Variants in FCGRT observed in about 807,000 individuals in gnomAD.
The protein encoded by FCGRT is IgG receptor FcRn large subunit p51.
A neutral mutation model predicts 35.7 loss-of-function variants in FCGRT; 13 were observed. That is an observed-to-expected ratio of 0.36 (90% CI 0.24 to 0.58). The LOEUF is 0.58. Ranked by LOEUF, FCGRT falls within the 20% of genes least tolerant of loss-of-function variation. FCGRT has a pLI of 0.77. For missense variants in FCGRT, 455 were observed against 474.9 expected, an observed-to-expected ratio of 0.96 and a Z score of 0.39; for synonymous variants, 233 against 216.5, an observed-to-expected ratio of 1.08 and a Z score of -0.67.
Position 49,513,979 on chromosome 19 carries a change from G to T in FCGRT, c.171G>T (p.Gln57His), listed in dbSNP as rs761759110. 1 of 1,613,878 alleles carries T rather than the reference G, an allele frequency of 6.2e-7. No homozygotes were observed. The highest frequency in any genetic ancestry group is 8.5e-7 in the Non-Finnish European group (1 of 1,180,026). The change falls in exon 3 of 7, where the codon CAG (glutamine) becomes CAT (histidine). Residue 57 changes from glutamine to histidine, a missense_variant. Transcript: ENST00000221466. ...FWVSGWLGPQ[Q>H]YLSYNSLRGE... is the part of the protein sequence containing the mutation. The stretch of plus-strand genomic sequence containing the variant: ...TGTCCGGCTGGCTGGGCCCGCAGCA[G>T]TACCTGAGCTACAATAGCCTGCGGG...
intron 4 of FCGRT, among the ~76,000 whole-genome samples, chr19:49,517,880 A>AC (rs1417363947): frequency 1.3e-5 from 2 of 152,078 alleles, no homozygotes. Flanking sequence ...TTTAGTAGAG[A>AC]TGAGGTTTCA....
chr19:49,525,687 G>T lies in FCGRT; in HGVS notation c.988+114G>T, dbSNP rs901046998. The T allele has an allele frequency of 1.2e-5, 9 of 756,164 alleles. No individual in the cohort carries two copies. The African/African-American group carries it at 1.4e-4, about 12-fold the overall frequency. 46.8% of individuals were successfully genotyped at this position (756,164 alleles called of 1,614,324 possible). ...GAGGGGGGACAGAGATCAGAGAGAG[G>T]TGGAGACAGAAACCCAGAGATGGGA... On this transcript the variant is annotated intron_variant, in intron 6 of 6. Coordinates refer to ENST00000221466, the MANE Select transcript of FCGRT (RefSeq NM_001136019.3).
At chr19:49,523,351 A>G (rs550161840) in intron 4 of FCGRT, among the ~76,000 whole-genome samples, 224 of 151,952 alleles carry the variant, frequency 1.5e-3, no homozygotes, top group Non-Finnish European at 1.4e-3. Context: ...GGTAGATCAC[A>G]ATGTCAGGAA....
rs996638465 is a variant in FCGRT at position 49,526,406 on chromosome 19, C to T, written c.*287C>T. On this transcript the variant is annotated 3_prime_UTR_variant, in exon 7 of 7. Coordinates refer to ENST00000221466, the MANE Select transcript of FCGRT (RefSeq NM_001136019.3). ...TCGGGGGACTGAATGGCGGCTGGGC[C>T]TCGGATCTCTCCTACAGGTAACATG... The T allele has an allele frequency of 2.2e-6, 1 of 451,496 alleles. No individual in the cohort carries two copies. The highest frequency in any genetic ancestry group is 2.0e-5 in the African/African-American group (1 of 49,600). The allele number at this position is 451,496 out of a possible 1,614,324, so 28.0% of individuals were successfully genotyped here. A position where few individuals can be genotyped will look rare whatever the true frequency, so the allele number is the denominator to read the frequency against.
At chr19:49,521,966 A>G (rs751762459) in intron 4 of FCGRT, among the ~76,000 whole-genome samples, 3 of 151,784 alleles carry the variant, frequency 2.0e-5, no homozygotes, top group Non-Finnish European at 4.4e-5. Context: ...CACTGCACCC[A>G]ACCTTTTTTC....
intron 4 of FCGRT, among the ~76,000 whole-genome samples, chr19:49,522,089 T>A (rs1038339431): frequency 1.3e-5 from 2 of 151,252 alleles, no homozygotes; most frequent in African/African-American, 2.4e-5. Context: ...TTTTTTTTTT[T>A]AGACGGAGTC....
At chr19:49,513,169 C>G (rs907081583) in intron 1 of FCGRT, 1 of 347,670 alleles carries the variant, frequency 2.9e-6, no homozygotes, top group East Asian at 4.2e-5. Context: ...AGCTCGGGGC[C>G]GGGACTCTCA....
At chr19:49,523,433 G>A (rs2080053885) in intron 4 of FCGRT, among the ~76,000 whole-genome samples, 1 of 151,976 alleles carries the variant, frequency 6.6e-6, no homozygotes, top group Non-Finnish European at 1.5e-5. Flanking sequence ...CGGCATGGTG[G>A]TGCATGCACC....
At chr19:49,513,360 G>GGGGGGGGGGGGGGGGCC in intron 1 of FCGRT, 27 bp from the exon 2 acceptor site, 1 of 1,017,272 alleles carries the variant, frequency 9.8e-7, no homozygotes, top group Non-Finnish European at 1.3e-6. Context: ...GGGGTCGGGA[G>GGGGGGGGGGGGGGGGCC]GAGTCACGTG....
Position 49,526,003 on chromosome 19 carries a change from T to A in FCGRT, c.989-7T>A. 6.3e-7 allele frequency: 1 copy of A among 1,578,812 alleles called. No individual in the cohort carries two copies. The highest frequency in any genetic ancestry group is 8.7e-7 in the Non-Finnish European group (1 of 1,148,556). ...CTGATGACCTCTCCCTCTCTCTCTC[T>A]CCTCAGCCCCTTGGATCTCCCTTCG... On this transcript the variant is annotated splice_region_variant and splice_polypyrimidine_tract_variant and intron_variant, in intron 6 of 6. Transcript: ENST00000221466.
At position 49,526,340 on chromosome 19, in the gene FCGRT, T is replaced by C. The variant is rs895861944; in HGVS notation, c.*221T>C. The C allele has an allele frequency of 1.3e-5, 7 of 549,672 alleles. No homozygotes were observed. Among genetic ancestry groups the C allele is most frequent in the Non-Finnish European group, 1.9e-5 (6 of 308,922 alleles). The allele number at this position is 549,672 out of a possible 1,614,324, so 34.0% of individuals were successfully genotyped here. ...ACACGAGTTTGGGCCCGAATCAGTG[T>C]GTTCTCATCATTTTTCAGGCAGGGG... On this transcript the variant is annotated 3_prime_UTR_variant, in exon 7 of 7. Transcript: ENST00000221466.
chr19:49,525,972 G>C, intron 6 of FCGRT, 38 bp from the exon 7 acceptor site: 1 of 1,328,272 alleles, frequency 7.5e-7, no homozygotes, highest in Non-Finnish European at 1.1e-6. Flanking sequence ...GAGCGCCTCA[G>C]AGATTCTGAT....
intron 4 of FCGRT, among the ~76,000 whole-genome samples, chr19:49,517,762 G>A (rs1157581977): frequency 1.3e-5 from 2 of 151,976 alleles, no homozygotes; most frequent in African/African-American, 2.4e-5. Context: ...GCTCAGTCTC[G>A]GCTCACTGCA....
At chr19:49,516,411 TTTTG>T (rs1194096243) in intron 4 of FCGRT, among the ~76,000 whole-genome samples, 2 of 148,446 alleles carry the variant, frequency 1.3e-5, no homozygotes, top group Admixed American at 6.8e-5. Context: ...CCTGGCTAAT[TTTTG>T]TTTGTTTTTT....
At chr19:49,525,917 AGTGT>A (rs904544206) in intron 6 of FCGRT, 89 bp from the exon 7 acceptor site, 2 of 813,222 alleles carry the variant, frequency 2.5e-6, no homozygotes, top group South Asian at 2.7e-5. Context: ...ACTGAGGAAG[AGTGT>A]GTGAGACACA....
chr19:49,517,850 G>A (rs757371915), intron 4 of FCGRT, among the ~76,000 whole-genome samples: 3 of 151,998 alleles, frequency 2.0e-5, no homozygotes, highest in Admixed American at 6.6e-5. Context: ...CCGCCACCTC[G>A]CCCAGCCAAT....
Position 49,525,517 on chromosome 19 carries a change from C to T in FCGRT, c.932C>T (p.Thr311Met), listed in dbSNP as rs778656931. ...VGIVIGVLLL[T>M]AAAVGGALLW... is the part of the protein sequence containing the mutation. ...ATCGTCATCGGTGTCTTGCTACTCA[C>T]GGCAGCGGCTGTAGGAGGAGCTCTG... Residue 311 changes from threonine (T) to methionine (M), a missense_variant, in exon 6 of 7, where the codon ACG becomes ATG. By Grantham distance (81) the Thr-to-Met change is moderately conservative (BLOSUM62 -1). This residue lies in a region of FCGRT where 312 missense variants were observed against 296.1 expected (regional missense o/e 1.05). Coordinates refer to ENST00000221466, the MANE Select transcript of FCGRT (RefSeq NM_001136019.3). 1.8e-5 allele frequency: 29 copies of T among 1,613,728 alleles called. No individual in the cohort carries two copies. The highest frequency in any genetic ancestry group is 8.3e-5 in the Admixed American group (5 of 59,962).
Position 49,514,204 on chromosome 19 carries a change from G to T in FCGRT, c.326-7G>T. The T allele has an allele frequency of 6.2e-7, 1 of 1,607,898 alleles. No individual in the cohort carries two copies. ...GGGCCCCGCTTACCTGTGTTTGGGC[G>T]CCCCAGGTCCCTACACTCTGCAGGG... is the stretch of plus-strand genomic sequence containing the variant. On this transcript the variant is annotated splice_region_variant and splice_polypyrimidine_tract_variant and intron_variant, in intron 3 of 6. Coordinates refer to ENST00000221466, the MANE Select transcript of FCGRT (RefSeq NM_001136019.3).
At chr19:49,519,124 G>A (rs1601192948) in intron 4 of FCGRT, among the ~76,000 whole-genome samples, 3 of 152,150 alleles carry the variant, frequency 2.0e-5, no homozygotes, top group Admixed American at 6.6e-5. Flanking sequence ...TTACAGGCTT[G>A]AGCCACCGCG....
Sources: allele counts gnomAD v4.1 joint callset (sites outside exome capture counted in the v4.1 genomes callset), GRCh38; gene constraint gnomAD v4.1.1; regional missense constraint gnomAD v4.1.1; transcripts MANE v1.5; gene names NCBI Gene and HGNC (gene_info 2026-07-23, HGNC 2026-07-21).